BRWD1: variants seen among roughly 807,000 people sequenced by gnomAD.
The protein encoded by BRWD1 is bromodomain and WD repeat-containing protein 1.
A neutral mutation model predicts 251.2 loss-of-function variants in BRWD1; 82 were observed. The ratio of observed to expected loss-of-function variants is 0.33; its 90% confidence interval spans 0.27 to 0.39. The LOEUF (loss-of-function observed/expected upper bound fraction) is 0.39, where lower values mean the gene tolerates loss of function less well. Among genes scored for constraint, BRWD1 ranks in the 10% least tolerant of loss-of-function variants. The pLI is 1.00. For synonymous variants in BRWD1, 918 were observed against 902.8 expected (o/e 1.02, Z -0.30); for missense variants, 2,233 against 2,711.6 (o/e 0.82, Z 3.92).
intron 21 of BRWD1, among the ~76,000 whole-genome samples, chr21:39,243,876 ACAGT>A (rs900664549): frequency 4.6e-5 from 7 of 152,232 alleles, no homozygotes; most frequent in African/African-American, 9.6e-5. Context: ...GAGAGTGATA[ACAGT>A]CAGGGTGGTA....
intron 18 of BRWD1, among the ~76,000 whole-genome samples, chr21:39,256,579 C>T (rs775646740): frequency 2.0e-5 from 3 of 152,010 alleles, no homozygotes; most frequent in Admixed American, 1.3e-4. Context: ...TAGGAGGCTG[C>T]GCAACCTCCC....
intron 10 of BRWD1, chr21:39,278,511 CCCTTTTACCAG>C (rs1236284876): frequency 2.1e-6 from 1 of 472,248 alleles, no homozygotes; most frequent in African/African-American, 2.0e-5. Flanking sequence ...CCTCAAGCCT[CCCTTTTACCAG>C]CCATCTCTTA....
At chr21:39,275,863 T>C (rs2146689127) in intron 12 of BRWD1, among the ~76,000 whole-genome samples, 1 of 152,048 alleles carries the variant, frequency 6.6e-6, no homozygotes, top group South Asian at 2.1e-4. Context: ...AGGAACCCCG[T>C]CTCTACTAAA....
At chr21:39,277,621 T>C (rs2035318967) in intron 10 of BRWD1, among the ~76,000 whole-genome samples, 1 of 152,140 alleles carries the variant, frequency 6.6e-6, no homozygotes, top group Admixed American at 6.6e-5. Context: ...TGGAGCCCAA[T>C]GGTGTGATCT....
upstream of BRWD1, chr21:39,314,645 C>T (rs1428961467): frequency 6.1e-6 from 2 of 328,734 alleles, no homozygotes; most frequent in Admixed American, 8.4e-5. Flanking sequence ...CTGCTCTGGC[C>T]CCTAAAGTAC....
chr21:39,271,814 G>A (rs939353799), intron 13 of BRWD1, among the ~76,000 whole-genome samples: 8 of 151,682 alleles, frequency 5.3e-5, no homozygotes, highest in Non-Finnish European at 7.4e-5. Flanking sequence ...CAAGGTGGGC[G>A]GATCACTTGA....
rs561980246 is a variant in BRWD1 at position 39,200,714 on chromosome 21, G to C, written c.4586-328C>G. Among the ~76,000 whole-genome samples, 3 of 152,288 alleles carry C rather than the reference G, an allele frequency of 2.0e-5. No homozygotes were observed. In the East Asian group the frequency reaches 5.8e-4, roughly 29 times the overall value. On this transcript the variant is annotated intron_variant, in intron 38 of 40. Transcript: ENST00000342449. The stretch of plus-strand genomic sequence containing the variant: ...ATTTAATTAGCTGCAGGCCGGGCAC[G>C]GTGACTCACTCCAGTAATCCTAGCA...
chr21:39,232,085 T>C (rs1028249737), intron 25 of BRWD1, 92 bp downstream of exon 25: 13 of 1,041,468 alleles, frequency 1.2e-5, no homozygotes, highest in Non-Finnish European at 1.9e-5. Context: ...AGTAATAAAA[T>C]ATGTTTCCAA....
intron 9 of BRWD1, 57 bp from the exon 10 acceptor site, chr21:39,278,870 T>C: frequency 7.8e-7 from 1 of 1,287,620 alleles, no homozygotes; most frequent in African/African-American, 1.5e-5. Flanking sequence ...TTAACACAGC[T>C]TAAAATATTA....
At chr21:39,270,762 T>C (rs2035072410) in intron 13 of BRWD1, among the ~76,000 whole-genome samples, 1 of 152,256 alleles carries the variant, frequency 6.6e-6, no homozygotes, top group Non-Finnish European at 1.5e-5. Context: ...TGCTAACACT[T>C]ACTTTCAACT....
In BRWD1 at chr21:39,229,374, G is replaced by A. The variant is rs1424377166; in HGVS notation, c.3063C>T (p.Cys1021=). 6.2e-7 allele frequency: 1 copy of A among 1,608,404 alleles called. No homozygotes were observed. Among genetic ancestry groups the A allele is most frequent in the Admixed American group, 1.7e-5 (1 of 59,924 alleles). The change falls in exon 26 of 41, where the codon TGC becomes TGT. Residue 1021 remains cysteine (C), a synonymous_variant. Coordinates refer to ENST00000342449, the MANE Select transcript of BRWD1 (RefSeq NM_033656.4). ...CTGGATCTATAAATGCTAGTTTTAGGCAACAGAGTGTAGGGGGCCCAACTT... is the reference window on the plus strand; with the variant it reads ...CTGGATCTATAAATGCTAGTTTTAGACAACAGAGTGTAGGGGGCCCAACTT... ...RYEVGPPTLC[C]LKLAFIDPAT...
rs2031536888 is a variant in BRWD1 at position 39,191,267 on chromosome 21, G to T, written c.*4992C>A. On this transcript the variant is annotated 3_prime_UTR_variant, in exon 41 of 41. Coordinates refer to ENST00000342449, the MANE Select transcript of BRWD1 (RefSeq NM_033656.4). ...TCAGTTCCCCTATCCAAGCTCATAT[G>T]TAAAACTCACAGCGCTCGCACCCCT... 1 of 985,120 alleles carries T rather than the reference G, an allele frequency of 1.0e-6. No individual in the cohort carries two copies. Among genetic ancestry groups the T allele is most frequent in the Non-Finnish European group, 1.2e-6 (1 of 829,912 alleles). 61.0% of individuals were successfully genotyped at this position (985,120 alleles called of 1,614,324 possible).
intron 4 of BRWD1, among the ~76,000 whole-genome samples, chr21:39,301,562 T>C (rs1433154908): frequency 6.6e-6 from 1 of 152,144 alleles, no homozygotes; most frequent in Non-Finnish European, 1.5e-5. Flanking sequence ...AGCCTTCAGC[T>C]AAAACCCCAG....
intron 5 of BRWD1, chr21:39,296,688 G>C (rs2035970113): frequency 1.2e-6 from 1 of 864,430 alleles, no homozygotes; most frequent in Non-Finnish European, 1.4e-6. Flanking sequence ...AGGTAACTGA[G>C]GCTCAAAGGT....
At chr21:39,243,306 A>G (rs1023670504) in intron 21 of BRWD1, among the ~76,000 whole-genome samples, 28 of 152,240 alleles carry the variant, frequency 1.8e-4, no homozygotes, top group African/African-American at 5.3e-4. Flanking sequence ...GACTAGATTC[A>G]GGTTACTAAA....
In BRWD1 at chr21:39,262,618, G is replaced by A. The variant is rs577626367; in HGVS notation, c.1885+1842C>T. Among the ~76,000 whole-genome samples, 12 of 152,204 alleles carry A rather than the reference G, an allele frequency of 7.9e-5. No homozygotes were observed. In the East Asian group the frequency reaches 2.3e-3, roughly 29 times the overall value. ...TAGTCCCAGCTACTCAGGAGGCTGA[G>A]GCAGGAAAACCACTTGAACCCGGGT... On this transcript the variant is annotated intron_variant, in intron 17 of 40. Transcript: ENST00000342449.
chr21:39,253,144 C>A (rs2034450222), intron 19 of BRWD1, among the ~76,000 whole-genome samples: 1 of 151,982 alleles, frequency 6.6e-6, no homozygotes, highest in Non-Finnish European at 1.5e-5. Context: ...ACAAAATTAG[C>A]CGGGTGTGGT....
Position 39,281,938 on chromosome 21 carries a change from A to G in BRWD1, c.832-1690T>C, listed in dbSNP as rs572138400. 2.6e-3 allele frequency among the ~76,000 whole-genome samples: 401 copies of G among 151,402 alleles called. 3 individuals are homozygous for G. The highest frequency in any genetic ancestry group is 5.3e-3 in the Non-Finnish European group (358 of 67,820). On this transcript the variant is annotated intron_variant, in intron 8 of 40. Transcript: ENST00000342449. ...TATATATACGTATACATACATATAC[A>G]TGTGTATATATGTAGACATATATGT...
intron 7 of BRWD1, among the ~76,000 whole-genome samples, chr21:39,295,316 A>G (rs950663644): frequency 4.0e-5 from 6 of 150,032 alleles, no homozygotes; most frequent in Non-Finnish European, 8.8e-5. Context: ...CCTCCCGAGT[A>G]GCTGGGACTA....
Sources: allele counts gnomAD v4.1 joint callset (sites outside exome capture counted in the v4.1 genomes callset), GRCh38; gene constraint gnomAD v4.1.1; transcripts MANE v1.5; gene names NCBI Gene and HGNC (gene_info 2026-07-23, HGNC 2026-07-21).